The following STAU1 variants were observed in gnomAD, a reference collection of about 807,000 sequenced individuals.
The protein encoded by STAU1 is staufen double-stranded RNA binding protein 1, also known as double-stranded RNA-binding protein Staufen homolog 1.
STAU1 carries 13 observed loss-of-function variants against 62.9 expected under a neutral mutation model. The observed-to-expected ratio is 0.21, with a 90% CI of 0.13 to 0.33. STAU1 has a LOEUF of 0.33. Among genes scored for constraint, STAU1 ranks in the 10% least tolerant of loss-of-function variants. The probability of loss-of-function intolerance (pLI) is 1.00; values close to 1 mark genes in which losing one functional copy is unlikely to be tolerated. For missense variants in STAU1, 571 were observed against 712.1 expected (o/e 0.80, Z 2.25); for synonymous variants, 269 against 265.1 (o/e 1.01, Z -0.14).
chr20:49,174,563 T>C (rs775089639), intron 1 of STAU1, among the ~76,000 whole-genome samples: 5 of 150,204 alleles, frequency 3.3e-5, no homozygotes, highest in Non-Finnish European at 5.9e-5. Flanking sequence ...CTACTAAAAA[T>C]ACAAAAATTA....
the STAU1 span, among the ~76,000 whole-genome samples, chr20:49,197,682 A>T: frequency 2.0e-5 from 3 of 151,832 alleles, no homozygotes; most frequent in Admixed American, 6.6e-5. Flanking sequence ...AATTACAGTC[A>T]TGAGCCACGG....
chr20:49,177,810 A>C (rs1395760550), intron 1 of STAU1, among the ~76,000 whole-genome samples: 2 of 152,196 alleles, frequency 1.3e-5, no homozygotes, highest in East Asian at 3.8e-4. Flanking sequence ...GAAAGAAGAG[A>C]GAGAGAGAGG....
At chr20:49,210,149 T>C in the STAU1 span, among the ~76,000 whole-genome samples, 1 of 152,150 alleles carries the variant, frequency 6.6e-6, no homozygotes, top group African/African-American at 2.4e-5. Context: ...TCCTGACCAG[T>C]TGGGCAGCTG....
the STAU1 span, among the ~76,000 whole-genome samples, chr20:49,194,289 C>T: frequency 6.6e-6 from 1 of 151,870 alleles, no homozygotes; most frequent in Non-Finnish European, 1.5e-5. Flanking sequence ...ATTAGCTGGG[C>T]ATGGTGGCGC....
chr20:49,208,766 C>A, the STAU1 span, among the ~76,000 whole-genome samples: 12 of 151,178 alleles, frequency 7.9e-5, no homozygotes, highest in Non-Finnish European at 1.3e-4. Flanking sequence ...ACTACAGGTG[C>A]CTGTCACCAT....
intron 1 of STAU1, among the ~76,000 whole-genome samples, chr20:49,176,919 T>TG (rs2093666996): frequency 6.6e-6 from 1 of 151,598 alleles, no homozygotes; most frequent in African/African-American, 2.4e-5. Flanking sequence ...CTAGTTTTTT[T>TG]TTTTTTTTTT....
rs1373597280 is a variant in STAU1, at chr20:49,135,923, T to C, written c.519A>G (p.Gly173=). 1 of 1,612,174 alleles carries C rather than the reference T, an allele frequency of 6.2e-7. No individual in the cohort carries two copies. The highest frequency in any genetic ancestry group is 8.5e-7 in the Non-Finnish European group (1 of 1,178,852). ...TGAGATTTTCTTCTTCGGATTCTCT[T>C]CCATTCACCTGTAAGAATAATTGTT... ...EPLPERLEVN[G]RESEEENLNK... The change falls in exon 6 of 14, where the codon GGA becomes GGG. Residue 173 remains glycine (G), a synonymous_variant. Transcript: ENST00000371856.
At chr20:49,195,914 A>C in the STAU1 span, among the ~76,000 whole-genome samples, 2 of 78,794 alleles carry the variant, frequency 2.5e-5, no homozygotes, top group Non-Finnish European at 3.2e-5. Flanking sequence ...AAAAAAAAAA[A>C]AAAGAAAAAA....
the STAU1 span, among the ~76,000 whole-genome samples, chr20:49,212,534 A>G: frequency 6.8e-6 from 1 of 146,282 alleles, no homozygotes; most frequent in Non-Finnish European, 1.5e-5. Flanking sequence ...TTTTTCATTG[A>G]GTTGTTTGGT....
chr20:49,134,208 G>A (rs348299), intron 6 of STAU1, among the ~76,000 whole-genome samples: 18,771 of 151,916 alleles, frequency 0.12, 1,837 homozygotes, highest in African/African-American at 0.28. Context: ...GAGATGGGTG[G>A]ATCACCTGAG....
chr20:49,179,404 T>C (rs2093698005), intron 1 of STAU1, among the ~76,000 whole-genome samples: 1 of 152,156 alleles, frequency 6.6e-6, no homozygotes, highest in Admixed American at 6.6e-5. Context: ...TTGCTAAACA[T>C]TACAGGTTGC....
Position 49,154,771 on chromosome 20 carries a change from C to A in STAU1, c.206-700G>T, listed in dbSNP as rs565633334. Among the ~76,000 whole-genome samples the A allele has an allele frequency of 6.9e-4, 104 of 151,700 alleles. 1 individual carries two copies. Among genetic ancestry groups the A allele is most frequent in the Non-Finnish European group, 1.2e-3 (83 of 67,946 alleles). ...GTCCCAGCTACTCAGGAGGCTGAGG[C>A]AGAAGAATGGTGTGAACCTGGGAGG... is the stretch of plus-strand genomic sequence containing the variant. On this transcript the variant is annotated intron_variant, in intron 3 of 13. Transcript: ENST00000371856.
the STAU1 span, among the ~76,000 whole-genome samples, chr20:49,217,480 A>G: frequency 6.6e-6 from 1 of 151,914 alleles, no homozygotes; most frequent in East Asian, 1.9e-4. Flanking sequence ...AAGAACAAAA[A>G]CTTGTGTTCC....
At position 49,120,137 on chromosome 20, in the gene STAU1, AG is replaced by A; in HGVS notation, c.967-10del. The stretch of plus-strand genomic sequence containing the variant: ...TGGTTTCCAACCTTCACCTGCACAA[AG>A]AAGTCAAAACACAGACCAGTGCTTA... On this transcript the variant is annotated splice_polypyrimidine_tract_variant and intron_variant, in intron 8 of 13. Transcript: ENST00000371856. 1 of 1,611,584 alleles carries A rather than the reference AG, an allele frequency of 6.2e-7. No homozygotes were observed. Among genetic ancestry groups the A allele is most frequent in the Non-Finnish European group, 8.5e-7 (1 of 1,178,194 alleles).
intron 6 of STAU1, among the ~76,000 whole-genome samples, chr20:49,126,588 C>CAAAAAAAAACCAAAACAAAACA (rs2092624563): frequency 3.5e-5 from 2 of 56,346 alleles, no homozygotes; most frequent in African/African-American, 6.4e-5. Flanking sequence ...AAAAAAAAAA[C>CAAAAAAAAACCAAAACAAAACA]AAAAAAAAAA....
intron 3 of STAU1, among the ~76,000 whole-genome samples, chr20:49,158,746 G>T (rs570858186): frequency 6.6e-6 from 1 of 151,876 alleles, no homozygotes; most frequent in South Asian, 2.1e-4. Flanking sequence ...GGAGGCAGAG[G>T]TTGCAGTGAG....
chr20:49,189,019 T>G (rs987831024), upstream of STAU1, among the ~76,000 whole-genome samples: 9 of 150,002 alleles, frequency 6.0e-5, no homozygotes, highest in African/African-American at 2.2e-4. Context: ...GCTACCACGG[T>G]GAAACCCCCG....
intron 6 of STAU1, chr20:49,134,430 CA>C: frequency 2.8e-6 from 1 of 362,688 alleles, no homozygotes; most frequent in South Asian, 2.2e-5. Flanking sequence ...AAACTCATCT[CA>C]GGGAAAAAAA....
chr20:49,117,058 A>T lies in STAU1; in HGVS notation c.1632+68T>A. 1 of 1,593,852 alleles carries T rather than the reference A, an allele frequency of 6.3e-7. No individual in the cohort carries two copies. The highest frequency in any genetic ancestry group is 8.6e-7 in the Non-Finnish European group (1 of 1,168,172). ...CTCCCATCTTCCTCAGGCTAGTAAC[A>T]AGCTGAACCAAGGCAGGCTCCACAT... On this transcript the variant is annotated intron_variant, in intron 12 of 13. Coordinates refer to ENST00000371856, the MANE Select transcript of STAU1 (RefSeq NM_017453.4). This position sits in a 1 kb window ranked among gnomAD's most constrained non-coding sequence, Gnocchi z 4.6.
Sources: allele counts gnomAD v4.1 joint callset (sites outside exome capture counted in the v4.1 genomes callset), GRCh38; gene constraint gnomAD v4.1.1; non-coding constraint Gnocchi (gnomAD v3.1); transcripts MANE v1.5; gene names NCBI Gene and HGNC (gene_info 2026-07-23, HGNC 2026-07-21).